Variants in FMN1 observed in about 807,000 individuals in gnomAD.
FMN1 encodes formin 1.
Under a neutral mutation model 132.4 loss-of-function variants are expected in FMN1, and 110 were observed. That is an observed-to-expected ratio of 0.83 (90% CI 0.71 to 0.97). FMN1 has a LOEUF of 0.97. Among genes scored for constraint, FMN1 ranks in the 50% least tolerant of loss-of-function variants. The probability of loss-of-function intolerance (pLI) is 0.00; values close to 1 mark genes in which losing one functional copy is unlikely to be tolerated. For missense variants in FMN1, 1,792 were observed against 1,705.3 expected, an observed-to-expected ratio of 1.05 and a Z score of -0.90; for synonymous variants, 722 against 651.7, an observed-to-expected ratio of 1.11 and a Z score of -1.64.
chr15:33,121,460 A>T (rs1044640188), intron 4 of FMN1, among the ~76,000 whole-genome samples: 5 of 152,216 alleles, frequency 3.3e-5, no homozygotes, highest in Non-Finnish European at 7.3e-5. Context: ...GTTCTATATG[A>T]TACAAAGGTA....
chr15:32,842,645 A>G (rs2058769146), intron 17 of FMN1, among the ~76,000 whole-genome samples: 1 of 152,204 alleles, frequency 6.6e-6, no homozygotes, highest in Non-Finnish European at 1.5e-5. Flanking sequence ...ATAATACGTA[A>G]AAGTTTGAAA....
chr15:33,037,031 T>C (rs1450896709), intron 6 of FMN1, among the ~76,000 whole-genome samples: 2 of 152,286 alleles, frequency 1.3e-5, no homozygotes, highest in East Asian at 3.8e-4. Context: ...TCTTTTTTCC[T>C]ATACACCTTT....
chr15:33,093,640 G>C (rs1213290619), intron 4 of FMN1, among the ~76,000 whole-genome samples: 1 of 152,190 alleles, frequency 6.6e-6, no homozygotes, highest in Non-Finnish European at 1.5e-5. Flanking sequence ...AGAAGGTGTG[G>C]TATCTATCCA....
chr15:32,775,917 G>A (rs1243695129), intron 20 of FMN1, among the ~76,000 whole-genome samples: 1 of 152,188 alleles, frequency 6.6e-6, no homozygotes, highest in African/African-American at 2.4e-5. Flanking sequence ...ATCCGAGAGA[G>A]GAGGGTGATA....
At chr15:33,167,584 C>G (rs531646936) in intron 3 of FMN1, among the ~76,000 whole-genome samples, 1 of 151,930 alleles carries the variant, frequency 6.6e-6, no homozygotes, top group South Asian at 2.1e-4. Flanking sequence ...GGTGCTGACT[C>G]CCTGCCTGCA....
chr15:33,008,056 TA>T lies in FMN1; in HGVS notation c.2180del (p.Leu727TyrfsTer3). 6.3e-7 allele frequency: 1 copy of T among 1,598,942 alleles called. No homozygotes were observed. The highest frequency in any genetic ancestry group is 8.5e-7 in the Non-Finnish European group (1 of 1,171,714). On this transcript the variant is annotated frameshift_variant, in exon 7 of 21. Coordinates refer to ENST00000616417, the MANE Select transcript of FMN1 (RefSeq NM_001277313.2). LOFTEE classifies it high-confidence loss of function. ...CTTCTTTGTGCTCCCTCTTCAAGTG[TA>T]AAATAGCAGCTTGGTATTCTGTAAA... ...YTEAEYQAAI[L>X]HLKREHKEEI... is the part of the protein sequence containing the mutation.
intron 9 of FMN1, among the ~76,000 whole-genome samples, chr15:32,957,325 T>TTTTTTCA (rs1555504537): frequency 7.3e-6 from 1 of 137,312 alleles, no homozygotes; most frequent in Admixed American, 7.4e-5. Context: ...TTTTTTTTTT[T>TTTTTTCA]ACAGGAACCA....
At chr15:33,004,833 A>T (rs2034322480) in intron 7 of FMN1, among the ~76,000 whole-genome samples, 1 of 152,236 alleles carries the variant, frequency 6.6e-6, no homozygotes, top group African/African-American at 2.4e-5. Flanking sequence ...TGTGGCACAT[A>T]TACACCATGG....
intron 6 of FMN1, among the ~76,000 whole-genome samples, chr15:33,018,672 T>A (rs992818036): frequency 2.0e-5 from 3 of 152,222 alleles, no homozygotes; most frequent in African/African-American, 7.2e-5. Context: ...TTGGTCTCAC[T>A]GACTTCAAGA....
chr15:32,856,370 T>C (rs1354938537), intron 17 of FMN1, among the ~76,000 whole-genome samples: 1 of 152,230 alleles, frequency 6.6e-6, no homozygotes, highest in African/African-American at 2.4e-5. Context: ...GATACTTCCA[T>C]GTTCACTAAC....
intron 3 of FMN1, among the ~76,000 whole-genome samples, chr15:33,161,124 C>A (rs1964872406): frequency 6.6e-6 from 1 of 152,226 alleles, no homozygotes; most frequent in African/African-American, 2.4e-5. Flanking sequence ...ACAGTCTTTC[C>A]CTGTGACTCC....
intron 6 of FMN1, among the ~76,000 whole-genome samples, chr15:33,019,983 A>C (rs12912725): frequency 0.058 from 8,757 of 152,182 alleles, 504 homozygotes; most frequent in African/African-American, 0.15. Context: ...AAGGCCGAGG[A>C]GGCACCGAGA....
At chr15:32,792,306 G>T (rs1463433921) in intron 19 of FMN1, among the ~76,000 whole-genome samples, 1 of 150,982 alleles carries the variant, frequency 6.6e-6, no homozygotes, top group African/African-American at 2.4e-5. Context: ...TTAGCCGGGC[G>T]TGGTGGCAGA....
chr15:32,960,995 C>CAAAAAAAAAAAAAAAAAAAAAA (rs539245532), intron 9 of FMN1, among the ~76,000 whole-genome samples: 2 of 59,092 alleles, frequency 3.4e-5, no homozygotes, highest in East Asian at 1.3e-3. Flanking sequence ...GACTCCGTCT[C>CAAAAAAAAAAAAAAAAAAAAAA]AAAAAAAAAA....
intron 6 of FMN1, among the ~76,000 whole-genome samples, chr15:33,014,233 C>T (rs541794653): frequency 1.3e-5 from 2 of 152,366 alleles, no homozygotes; most frequent in South Asian, 4.1e-4. Context: ...TGAGTCAAAA[C>T]TAAGTTAGTG....
At chr15:32,983,647 G>C (rs1269972065) in intron 7 of FMN1, among the ~76,000 whole-genome samples, 1 of 152,074 alleles carries the variant, frequency 6.6e-6, no homozygotes, top group Non-Finnish European at 1.5e-5. Flanking sequence ...GCAAGATTCT[G>C]TCTGCAACAA....
At chr15:33,002,861 T>C (rs1414520477) in intron 7 of FMN1, among the ~76,000 whole-genome samples, 1 of 152,206 alleles carries the variant, frequency 6.6e-6, no homozygotes, top group African/African-American at 2.4e-5. Context: ...CTGAGGGTTG[T>C]CCATCTGTGA....
rs180873597 is a variant in FMN1 at position 32,944,081 on chromosome 15, C to T, written c.3139-17820G>A. Among the ~76,000 whole-genome samples, 10 of 152,310 alleles carry T rather than the reference C, an allele frequency of 6.6e-5. No individual in the cohort carries two copies. The South Asian group carries it at 1.0e-3, about 16-fold the overall frequency. On this transcript the variant is annotated intron_variant, in intron 9 of 20. Coordinates refer to ENST00000616417, the MANE Select transcript of FMN1 (RefSeq NM_001277313.2). ...ATGGGACAGGTAAGCAATGATTCCT[C>T]CCAGCCAGTGCCAGAAGGGAGTGCC...
intron 16 of FMN1, among the ~76,000 whole-genome samples, chr15:32,862,937 C>T (rs1193702095): frequency 6.6e-6 from 1 of 152,186 alleles, no homozygotes; most frequent in Non-Finnish European, 1.5e-5. Flanking sequence ...TCTGCCTCTT[C>T]CTCACTTTTA....
Sources: allele counts gnomAD v4.1 joint callset (sites outside exome capture counted in the v4.1 genomes callset), GRCh38; gene constraint gnomAD v4.1.1; transcripts MANE v1.5; gene names NCBI Gene and HGNC (gene_info 2026-07-23, HGNC 2026-07-21).